Variants in CFAP46 observed in about 807,000 individuals in gnomAD.
CFAP46 encodes cilia and flagella associated protein 46.
A neutral mutation model predicts 325.7 loss-of-function variants in CFAP46; 245 were observed. The observed-to-expected ratio is 0.75, with a 90% CI of 0.68 to 0.84. The LOEUF (loss-of-function observed/expected upper bound fraction) is 0.84, where lower values mean the gene tolerates loss of function less well. CFAP46 is among the 40% of genes least tolerant of loss of function. The probability of loss-of-function intolerance (pLI) is 0.00; values close to 1 mark genes in which losing one functional copy is unlikely to be tolerated. For missense variants in CFAP46, 3,346 were observed against 3,543.0 expected (o/e 0.94, Z 1.41); for synonymous variants, 1,523 against 1,495.9 (o/e 1.02, Z -0.42).
At chr10:132,849,217 T>C (rs944131093) in intron 41 of CFAP46, among the ~76,000 whole-genome samples, 12 of 152,206 alleles carry the variant, frequency 7.9e-5, no homozygotes, top group Admixed American at 1.3e-4. Flanking sequence ...CGACCCTCGC[T>C]TCTGGTCCAC....
chr10:132,842,610 C>T (rs921465014), intron 44 of CFAP46, among the ~76,000 whole-genome samples: 2 of 152,244 alleles, frequency 1.3e-5, no homozygotes, highest in Non-Finnish European at 2.9e-5. Context: ...TTAACCACCC[C>T]ACTCCTGGTA....
Position 132,847,409 on chromosome 10 carries a change from C to A in CFAP46, c.5953-88G>T. ...GCCCACCCAGGGAGGCCGGGGTGGT[C>A]GGGCTCCTCAGCAGGGTCCCCGGGT... On this transcript the variant is annotated intron_variant, in intron 41 of 57. Transcript: ENST00000368586. The surrounding 1 kb of genome is among the most constrained non-coding windows in gnomAD (Gnocchi z 5.2). The A allele has an allele frequency of 3.2e-6, 5 of 1,541,878 alleles. No homozygotes were observed. The highest frequency in any genetic ancestry group is 4.4e-6 in the Non-Finnish European group (5 of 1,129,848).
intron 50 of CFAP46, among the ~76,000 whole-genome samples, chr10:132,822,061 C>CAG (rs1427219335): frequency 3.2e-5 from 4 of 123,892 alleles, no homozygotes; most frequent in Admixed American, 8.4e-5. Context: ...GCTGTGTGTG[C>CAG]TGATGTGTGC....
At chr10:132,912,852 G>GC (rs772497853) in intron 18 of CFAP46, 32 bp from the exon 19 acceptor site, 1 of 1,543,376 alleles carries the variant, frequency 6.5e-7, no homozygotes, top group East Asian at 2.4e-5. Context: ...GGGAACCTTG[G>GC]CCCCCGCAGG....
chr10:132,814,817 G>C, intron 51 of CFAP46, 27 bp downstream of exon 51: 1 of 1,613,886 alleles, frequency 6.2e-7, no homozygotes, highest in Non-Finnish European at 8.5e-7. Flanking sequence ...CCACCAGCCC[G>C]ATCCCCTATC....
rs548484512 is a variant in CFAP46 at position 132,919,271 on chromosome 10, G to A, written c.1858+44C>T. 165 of 1,523,560 alleles carry A rather than the reference G, an allele frequency of 1.1e-4. 1 individual carries two copies. The South Asian group carries it at 1.8e-3, about 16-fold the overall frequency. 94.4% of individuals were successfully genotyped at this position (1,523,560 alleles called of 1,614,324 possible). A position where few individuals can be genotyped will look rare whatever the true frequency, so the allele number is the denominator to read the frequency against. On this transcript the variant is annotated intron_variant, in intron 15 of 57. Coordinates refer to ENST00000368586, the MANE Select transcript of CFAP46 (RefSeq NM_001200049.3). The surrounding 1 kb of genome is among the most constrained non-coding windows in gnomAD (Gnocchi z 9.7). Reference sequence around the variant, plus strand: ...ACAACCCTTCCCACACCCAGAGGGCGGCCGTGGCCAGGCTGGGACACACTC... The same window carrying A: ...ACAACCCTTCCCACACCCAGAGGGCAGCCGTGGCCAGGCTGGGACACACTC...
rs117787633 is a variant in CFAP46 at position 132,811,952 on chromosome 10, A to G, written c.7501+833T>C. Among the ~76,000 whole-genome samples, 490 of 152,338 alleles carry G rather than the reference A, an allele frequency of 3.2e-3. 2 individuals are homozygous for G. The highest frequency in any genetic ancestry group is 0.028 in the East Asian group (145 of 5,176). On this transcript the variant is annotated intron_variant, in intron 55 of 57. Transcript: ENST00000368586. ...GGGGCACAGCAACTCCCGAGTCCCTAAAAGACTCCTGTCAACCCCACACAG... is the reference window on the plus strand; with the variant it reads ...GGGGCACAGCAACTCCCGAGTCCCTGAAAGACTCCTGTCAACCCCACACAG...
chr10:132,808,759 C>A lies in CFAP46; in HGVS notation c.7810G>T (p.Gly2604Trp). The change falls in exon 58 of 58, where the codon GGG becomes TGG. Residue 2604 changes from glycine (G) to tryptophan (W), a missense_variant. By Grantham distance (184) the Gly-to-Trp change is radical. Transcript: ENST00000368586. The surrounding 1 kb of genome is among the most constrained non-coding windows in gnomAD (Gnocchi z 6.8). Reference sequence around the variant, plus strand: ...AGGGCAGAGGCAAGTGCTGGGGCCCCAGCAGCTGATGGGAGGCAGGTCCAG... The same window carrying A: ...AGGGCAGAGGCAAGTGCTGGGGCCCAAGCAGCTGATGGGAGGCAGGTCCAG... ...QAWTCLPSAA[G>W]APALASALGS... 1.3e-6 allele frequency: 2 copies of A among 1,584,756 alleles called. No individual in the cohort carries two copies. Among genetic ancestry groups the A allele is most frequent in the Middle Eastern group, 1.7e-4 (1 of 5,980 alleles).
chr10:132,935,830 G>A (rs139524698), intron 7 of CFAP46, among the ~76,000 whole-genome samples: 1,735 of 39,792 alleles, frequency 0.044, no homozygotes, highest in Admixed American at 0.077. Flanking sequence ...CACTCCCCTC[G>A]GCACCCAAAC....
At chr10:132,841,566 T>G (rs1340705989) in intron 44 of CFAP46, among the ~76,000 whole-genome samples, 1 of 152,222 alleles carries the variant, frequency 6.6e-6, no homozygotes, top group Non-Finnish European at 1.5e-5. Context: ...TGGGGCTGTC[T>G]GTGGTGGCTC....
intron 7 of CFAP46, among the ~76,000 whole-genome samples, chr10:132,935,973 C>A (rs1849996225): frequency 1.2e-5 from 1 of 81,188 alleles, no homozygotes; most frequent in Non-Finnish European, 2.6e-5. Flanking sequence ...TCACTCCCCT[C>A]ACATCCAAAC....
chr10:132,835,245 T>C (rs1347119316), intron 47 of CFAP46, 59 bp downstream of exon 47: 1 of 1,590,506 alleles, frequency 6.3e-7, no homozygotes, highest in African/African-American at 1.3e-5. Context: ...GGGTCCTGGC[T>C]CCCAGGGGTG....
intron 22 of CFAP46, chr10:132,908,245 C>T (rs1849485815): frequency 3.5e-6 from 2 of 578,526 alleles, no homozygotes; most frequent in African/African-American, 3.8e-5. Flanking sequence ...CACCTGCTCC[C>T]TGATCTGTGA....
Position 132,880,889 on chromosome 10 carries a change from A to G in CFAP46, c.3771T>C (p.Asp1257=), listed in dbSNP as rs999581972. The G allele has an allele frequency of 6.5e-6, 10 of 1,549,544 alleles. No homozygotes were observed. In the African/African-American group the frequency reaches 1.2e-4, roughly 19 times the overall value. Residue 1257 remains aspartate (D), a synonymous_variant, in exon 28 of 58, where the codon GAT becomes GAC. Transcript: ENST00000368586. The part of the protein sequence containing the change: ...EILLAMKPPG[D]VPEPQPTPDG... Reference sequence around the variant, plus strand: ...CCGGCGTGGGCTGTGGCTCAGGGACATCGCCGGGCGGCTTCATGGCCAGCA... The same window carrying G: ...CCGGCGTGGGCTGTGGCTCAGGGACGTCGCCGGGCGGCTTCATGGCCAGCA...
intron 50 of CFAP46, among the ~76,000 whole-genome samples, chr10:132,830,129 CTTTTCT>C (rs961570059): frequency 6.6e-6 from 1 of 151,630 alleles, no homozygotes; most frequent in Non-Finnish European, 1.5e-5. Context: ...GATGTTTTTT[CTTTTCT>C]TTTTCTTTTC....
chr10:132,874,299 T>C (rs1389334570), intron 31 of CFAP46, among the ~76,000 whole-genome samples: 1 of 152,150 alleles, frequency 6.6e-6, no homozygotes, highest in East Asian at 1.9e-4. Flanking sequence ...TGCCCTATTG[T>C]GATAATCATT....
At chr10:132,924,972 G>T in intron 10 of CFAP46, 86 bp from the exon 11 acceptor site, 2 of 1,134,494 alleles carry the variant, frequency 1.8e-6, no homozygotes, top group Non-Finnish European at 2.3e-6. Flanking sequence ...GGCACACTGA[G>T]AACGCAGGCC....
rs1454226792 is a variant in CFAP46 at position 132,912,583 on chromosome 10, T to TCTTCA, written c.2499+71_2499+72insTGAAG. On this transcript the variant is annotated intron_variant, in intron 19 of 57. Coordinates refer to ENST00000368586, the MANE Select transcript of CFAP46 (RefSeq NM_001200049.3). ...CCTCTCTCCTCTTTCACCTCTCCTC[T>TCTTCA]CCTCTCTCTCTCTCCTCTCTCCTCT... 1.2e-3 allele frequency: 1,594 copies of TCTTCA among 1,285,178 alleles called. 1 individual carries two copies. The highest frequency in any genetic ancestry group is 4.4e-3 in the Admixed American group (160 of 36,152). 79.6% of individuals were successfully genotyped at this position (1,285,178 alleles called of 1,614,324 possible). A position where few individuals can be genotyped will look rare whatever the true frequency, so the allele number is the denominator to read the frequency against.
chr10:132,849,921 G>A (rs565350171), intron 41 of CFAP46, among the ~76,000 whole-genome samples: 17 of 152,284 alleles, frequency 1.1e-4, no homozygotes, highest in African/African-American at 1.9e-4. Flanking sequence ...CACCAGTTGC[G>A]TTGCTCCACG....
Sources: gnomAD v4.1 joint callset for allele counts (sites outside exome capture counted in the v4.1 genomes callset) on GRCh38, gnomAD v4.1.1 for gene constraint, Gnocchi (gnomAD v3.1) non-coding constraint, MANE v1.5 for transcripts, NCBI Gene and HGNC (gene_info 2026-07-23, HGNC 2026-07-21) for gene names.